Variants in INSC observed in about 807,000 individuals in gnomAD.
INSC encodes the protein protein inscuteable homolog.
Under a neutral mutation model 58.6 loss-of-function variants are expected in INSC, and 67 were observed. That is an observed-to-expected ratio of 1.14 (90% CI 0.94 to 1.40). INSC has a LOEUF of 1.40. INSC is among the 40% of genes most tolerant of loss of function. The pLI is 0.00. For missense variants in INSC, 714 were observed against 692.0 expected (o/e 1.03, Z -0.36); for synonymous variants, 262 against 276.1 (o/e 0.95, Z 0.51).
At chr11:15,202,243 G>A (rs1434684476) in intron 7 of INSC, among the ~76,000 whole-genome samples, 1 of 152,096 alleles carries the variant, frequency 6.6e-6, no homozygotes, top group Non-Finnish European at 1.5e-5. Context: ...ACTAGATTTG[G>A]AGGTGAGAAA....
intron 6 of INSC, among the ~76,000 whole-genome samples, chr11:15,198,134 C>T (rs1850439206): frequency 6.6e-6 from 1 of 152,140 alleles, no homozygotes; most frequent in African/African-American, 2.4e-5. Context: ...GGATATAAGA[C>T]ACTCTTATAA....
intron 9 of INSC, among the ~76,000 whole-genome samples, chr11:15,227,348 G>A (rs1267159256): frequency 6.6e-6 from 1 of 152,112 alleles, no homozygotes; most frequent in Non-Finnish European, 1.5e-5. Flanking sequence ...CTATTAATTG[G>A]GACATGAATG....
chr11:15,229,964 A>T (rs1279926156), intron 9 of INSC, among the ~76,000 whole-genome samples: 1 of 15,698 alleles, frequency 6.4e-5, no homozygotes, highest in Non-Finnish European at 1.1e-4. Context: ...ATATATTTAT[A>T]TATATATATA....
the INSC span, among the ~76,000 whole-genome samples, chr11:15,258,060 A>G: frequency 6.6e-6 from 1 of 152,228 alleles, no homozygotes; most frequent in South Asian, 2.1e-4. Flanking sequence ...ATAAAATAAA[A>G]GACCTGCAGT....
At chr11:15,242,781 T>C (rs1011598744) in intron 12 of INSC, among the ~76,000 whole-genome samples, 1 of 152,202 alleles carries the variant, frequency 6.6e-6, no homozygotes, top group Non-Finnish European at 1.5e-5. Flanking sequence ...GTACACAGCA[T>C]GAACCTGAGC....
intron 9 of INSC, among the ~76,000 whole-genome samples, chr11:15,230,208 A>G (rs996984415): frequency 6.7e-6 from 1 of 149,938 alleles, no homozygotes; most frequent in Non-Finnish European, 1.5e-5. Flanking sequence ...AAATAAAAAT[A>G]AATTACCTAA....
rs1852556416 is a variant in INSC, at chr11:15,246,124, C to T, written c.*84C>T. 1.4e-6 allele frequency: 2 copies of T among 1,402,278 alleles called. No individual in the cohort carries two copies. The highest frequency in any genetic ancestry group is 2.0e-6 in the Non-Finnish European group (2 of 1,022,140). 86.9% of individuals were successfully genotyped at this position (1,402,278 alleles called of 1,614,324 possible). On this transcript the variant is annotated 3_prime_UTR_variant, in exon 13 of 13. Coordinates refer to ENST00000379556, the MANE Select transcript of INSC (RefSeq NM_001042536.3). Reference sequence around the variant, plus strand: ...GTGAACACATCTGAGTACATACCAGCTCTCCTCATCTTCTTATTTATACTT... The same window carrying T: ...GTGAACACATCTGAGTACATACCAGTTCTCCTCATCTTCTTATTTATACTT...
intron 1 of INSC, among the ~76,000 whole-genome samples, chr11:15,131,163 T>G (rs748840234): frequency 5.3e-5 from 8 of 152,132 alleles, no homozygotes; most frequent in Non-Finnish European, 1.2e-4. Flanking sequence ...TTTAAGTATT[T>G]AAGTCTATAA....
chr11:15,151,917 G>A (rs560710268), intron 2 of INSC, among the ~76,000 whole-genome samples: 23 of 152,072 alleles, frequency 1.5e-4, no homozygotes, highest in African/African-American at 4.6e-4. Flanking sequence ...TTTTCTCTCC[G>A]AATCCCTGCC....
intron 1 of INSC, among the ~76,000 whole-genome samples, chr11:15,139,365 GTC>G (rs1330767994): frequency 6.6e-6 from 1 of 152,226 alleles, no homozygotes; most frequent in Non-Finnish European, 1.5e-5. Context: ...AGTGGGAGAG[GTC>G]TCTCACTTTT....
At chr11:15,162,725 T>A (rs1372368254) in intron 2 of INSC, among the ~76,000 whole-genome samples, 1 of 152,188 alleles carries the variant, frequency 6.6e-6, no homozygotes, top group Non-Finnish European at 1.5e-5. Flanking sequence ...GTTGAATGAA[T>A]GAGACTTGTG....
At chr11:15,132,771 C>T (rs528712700) in intron 1 of INSC, among the ~76,000 whole-genome samples, 125 of 152,310 alleles carry the variant, frequency 8.2e-4, no homozygotes, top group African/African-American at 2.9e-3. Flanking sequence ...ATATTTCATA[C>T]TTATTCTTGA....
At chr11:15,143,563 A>G (rs144710240) in intron 1 of INSC, among the ~76,000 whole-genome samples, 2 of 152,326 alleles carry the variant, frequency 1.3e-5, no homozygotes, top group Non-Finnish European at 2.9e-5. Context: ...TCTTTGTCTT[A>G]GTAGCAACAG....
chr11:15,177,084 G>A (rs748775743), intron 3 of INSC, 27 bp from the exon 4 acceptor site: 2 of 1,604,930 alleles, frequency 1.2e-6, no homozygotes, highest in South Asian at 1.1e-5. Context: ...TTACTGAGTT[G>A]AATAAAATGG....
At chr11:15,239,371 G>C (rs1353143958) in intron 11 of INSC, among the ~76,000 whole-genome samples, 1 of 152,150 alleles carries the variant, frequency 6.6e-6, no homozygotes, top group Non-Finnish European at 1.5e-5. Flanking sequence ...TTATTCACTT[G>C]CTCAGTTATT....
chr11:15,143,523 G>T (rs1848423224), intron 1 of INSC, among the ~76,000 whole-genome samples: 1 of 152,216 alleles, frequency 6.6e-6, no homozygotes, highest in Admixed American at 6.5e-5. Flanking sequence ...CAAGATCCAT[G>T]TGAGGCAAGT....
intron 1 of INSC, among the ~76,000 whole-genome samples, chr11:15,123,938 C>G (rs1218012621): frequency 6.6e-6 from 1 of 152,190 alleles, no homozygotes; most frequent in Non-Finnish European, 1.5e-5. Context: ...AAGGAGAATA[C>G]AGAAAGTGGG....
intron 2 of INSC, among the ~76,000 whole-genome samples, chr11:15,168,272 C>T (rs1435444446): frequency 6.6e-6 from 1 of 152,170 alleles, no homozygotes; most frequent in African/African-American, 2.4e-5. Context: ...CTCCCTCCCA[C>T]TACCCCACTG....
chr11:15,172,859 CTCTCA>C (rs1849446232), intron 2 of INSC, among the ~76,000 whole-genome samples: 1 of 151,720 alleles, frequency 6.6e-6, no homozygotes, highest in African/African-American at 2.4e-5. Context: ...CACGGAAGCT[CTCTCA>C]TCTTAGCCTC....
Sources: gnomAD v4.1 joint callset for allele counts (sites outside exome capture counted in the v4.1 genomes callset) on GRCh38, gnomAD v4.1.1 for gene constraint, MANE v1.5 for transcripts, NCBI Gene and HGNC (gene_info 2026-07-23, HGNC 2026-07-21) for gene names.